The following NRCAM variants were observed in gnomAD, a reference collection of about 807,000 sequenced individuals.
The protein encoded by NRCAM is neuronal cell adhesion molecule, also known as NgCAM-related cell adhesion molecule.
Under a neutral mutation model 156.5 loss-of-function variants are expected in NRCAM, and 83 were observed. The observed-to-expected ratio is 0.53, with a 90% confidence interval of 0.44 to 0.64. The LOEUF (loss-of-function observed/expected upper bound fraction) is 0.64, where lower values mean the gene tolerates loss of function less well. Ranked by LOEUF, NRCAM falls within the 30% of genes least tolerant of loss-of-function variation. The pLI, the probability that NRCAM is intolerant of heterozygous loss-of-function variation, is 0.00. For missense variants in NRCAM, 1,417 were observed against 1,597.3 expected (o/e 0.89, Z 1.92); for synonymous variants, 538 against 563.9 (o/e 0.95, Z 0.65).
intron 1 of NRCAM, among the ~76,000 whole-genome samples, chr7:108,432,468 G>A (rs1051943055): frequency 2.6e-5 from 4 of 152,180 alleles, no homozygotes; most frequent in African/African-American, 9.7e-5. Flanking sequence ...AACAATGGAG[G>A]ATTCTCAAAG....
intron 1 of NRCAM, among the ~76,000 whole-genome samples, chr7:108,446,068 G>A (rs1275490587): frequency 6.6e-6 from 1 of 152,142 alleles, no homozygotes; most frequent in Non-Finnish European, 1.5e-5. Flanking sequence ...GGAGGAAAAT[G>A]ACAAGCACCA....
intron 3 of NRCAM, among the ~76,000 whole-genome samples, chr7:108,275,482 G>A (rs1426533255): frequency 6.6e-6 from 1 of 152,164 alleles, no homozygotes; most frequent in African/African-American, 2.4e-5. Flanking sequence ...TATTTGTCCA[G>A]GAATTTATCC....
intron 1 of NRCAM, among the ~76,000 whole-genome samples, chr7:108,435,814 C>T (rs369914118): frequency 6.6e-5 from 10 of 152,164 alleles, no homozygotes; most frequent in East Asian, 5.8e-4. Flanking sequence ...TGTTGAGAAT[C>T]GAAAGGCACA....
At chr7:108,183,140 A>G (rs568755150) in intron 22 of NRCAM, among the ~76,000 whole-genome samples, 3 of 152,360 alleles carry the variant, frequency 2.0e-5, no homozygotes, top group East Asian at 3.9e-4. Context: ...GTAAACTACT[A>G]TCTTGATGCA....
chr7:108,323,771 T>C (rs912370584), intron 2 of NRCAM, among the ~76,000 whole-genome samples: 3 of 151,906 alleles, frequency 2.0e-5, no homozygotes, highest in Non-Finnish European at 4.4e-5. Flanking sequence ...AAAAATAAAG[T>C]ATGGTGAGAA....
intron 1 of NRCAM, among the ~76,000 whole-genome samples, chr7:108,409,795 T>C (rs1407328293): frequency 6.6e-6 from 1 of 152,212 alleles, no homozygotes; most frequent in African/African-American, 2.4e-5. Context: ...GAACACAAGG[T>C]TATGTTTACC....
intron 2 of NRCAM, among the ~76,000 whole-genome samples, chr7:108,317,702 G>C (rs2098944755): frequency 6.6e-6 from 1 of 152,022 alleles, no homozygotes; most frequent in African/African-American, 2.4e-5. Context: ...TTGAGGTCAG[G>C]AGTTCAAGAC....
chr7:108,151,544 T>TGCTAGCA (rs1197666079), intron 32 of NRCAM, among the ~76,000 whole-genome samples: 2 of 152,194 alleles, frequency 1.3e-5, no homozygotes, highest in Admixed American at 6.5e-5. Context: ...TGGGAAATAA[T>TGCTAGCA]GCTAGCATAA....
chr7:108,187,720 G>A (rs550411371), intron 20 of NRCAM, among the ~76,000 whole-genome samples: 1 of 152,254 alleles, frequency 6.6e-6, no homozygotes, highest in East Asian at 1.9e-4. Flanking sequence ...GGGAGGCCGA[G>A]GCGGGTGGAT....
Position 108,150,117 on chromosome 7 carries a change from T to G in NRCAM, c.3708A>C (p.Lys1236Asn), listed in dbSNP as rs774474292. 6.2e-7 allele frequency: 1 copy of G among 1,611,466 alleles called. No homozygotes were observed. Among genetic ancestry groups the G allele is most frequent in the African/African-American group, 1.3e-5 (1 of 74,746 alleles). Residue 1236 changes from lysine to asparagine, a missense_variant, in exon 33 of 33, where the codon AAA becomes AAC. Lys to Asn is a moderately conservative substitution (Grantham distance 94). This residue lies in a region of NRCAM where 179 missense variants were observed against 260.9 expected (regional missense o/e 0.69). Transcript: ENST00000379028. The stretch of plus-strand genomic sequence containing the variant: ...TCCTGTCTGAAGGAGTTCGACTTCC[T>G]TTTTTCAAAGGCTTGTGGTCTTCTG... ...SDAEDHKPLKKGSRTPSDRTV... is the reference protein window; with the variant it reads ...SDAEDHKPLKNGSRTPSDRTV...
At chr7:108,345,341 C>T (rs540856668) in intron 2 of NRCAM, among the ~76,000 whole-genome samples, 124 of 152,218 alleles carry the variant, frequency 8.1e-4, no homozygotes, top group African/African-American at 2.8e-3. Flanking sequence ...CCCAAAATCC[C>T]ATGGGAAGTG....
At chr7:108,336,585 T>C (rs1337051059) in intron 2 of NRCAM, among the ~76,000 whole-genome samples, 1 of 152,216 alleles carries the variant, frequency 6.6e-6, no homozygotes, top group African/African-American at 2.4e-5. Context: ...TTTTCCAGAT[T>C]CTTCTAGGGT....
At chr7:108,361,213 A>G (rs1266283777) in intron 2 of NRCAM, among the ~76,000 whole-genome samples, 1 of 152,238 alleles carries the variant, frequency 6.6e-6, no homozygotes, top group African/African-American at 2.4e-5. Flanking sequence ...GAATGGCTAA[A>G]ATTCAAAACA....
chr7:108,322,053 T>A (rs2099008521), intron 2 of NRCAM, among the ~76,000 whole-genome samples: 1 of 152,210 alleles, frequency 6.6e-6, no homozygotes, highest in Non-Finnish European at 1.5e-5. Flanking sequence ...GCTGTGCATC[T>A]TTTTTTGTTG....
intron 3 of NRCAM, among the ~76,000 whole-genome samples, chr7:108,260,499 A>T (rs2096850908): frequency 6.6e-6 from 1 of 152,176 alleles, no homozygotes; most frequent in African/African-American, 2.4e-5. Flanking sequence ...CTGATTGCTC[A>T]ATCCACAGAC....
At chr7:108,311,717 G>A (rs1383584716) in intron 3 of NRCAM, among the ~76,000 whole-genome samples, 1 of 152,210 alleles carries the variant, frequency 6.6e-6, no homozygotes, top group African/African-American at 2.4e-5. Flanking sequence ...AAATTCAGCT[G>A]AGGCATGAAT....
chr7:108,434,636 AAGTTTG>A (rs1213820941), intron 1 of NRCAM, among the ~76,000 whole-genome samples: 2 of 151,896 alleles, frequency 1.3e-5, no homozygotes, highest in Non-Finnish European at 2.9e-5. Flanking sequence ...AAATGACATA[AAGTTTG>A]AATGTACTCT....
At chr7:108,200,742 AC>A in intron 13 of NRCAM, among the ~76,000 whole-genome samples, 1 of 35,656 alleles carries the variant, frequency 2.8e-5, no homozygotes, top group Non-Finnish European at 5.0e-5. Context: ...AGAAATACAC[AC>A]ACACACACAC....
At position 108,181,802 on chromosome 7, in the gene NRCAM, A is replaced by G; in HGVS notation, c.2646+20T>C. 6.4e-7 allele frequency: 1 copy of G among 1,571,198 alleles called. No homozygotes were observed. The highest frequency in any genetic ancestry group is 1.3e-5 in the African/African-American group (1 of 74,244). ...GCAGCCCTTACTAAATAAAGCCACAAAAGGTCCCCTTTCACTTGCCCGATA... is the reference window on the plus strand; with the variant it reads ...GCAGCCCTTACTAAATAAAGCCACAGAAGGTCCCCTTTCACTTGCCCGATA... On this transcript the variant is annotated intron_variant, in intron 24 of 32. Transcript: ENST00000379028.
Sources: allele counts gnomAD v4.1 joint callset (sites outside exome capture counted in the v4.1 genomes callset), GRCh38; gene constraint gnomAD v4.1.1; regional missense constraint gnomAD v4.1.1; transcripts MANE v1.5; gene names NCBI Gene and HGNC (gene_info 2026-07-23, HGNC 2026-07-21).